The following EHMT1 variants were observed in gnomAD, a reference collection of about 807,000 sequenced individuals.
The protein encoded by EHMT1 is histone-lysine N-methyltransferase EHMT1.
A neutral mutation model predicts 147.2 loss-of-function variants in EHMT1; 15 were observed. The ratio of observed to expected loss-of-function variants is 0.10; its 90% CI spans 0.07 to 0.16. The LOEUF is 0.16. Among genes scored for constraint, EHMT1 ranks in the 10% least tolerant of loss-of-function variants. The probability of loss-of-function intolerance (pLI) is 1.00; values close to 1 mark genes in which losing one functional copy is unlikely to be tolerated. For missense variants in EHMT1, 1,587 were observed against 1,772.4 expected (o/e 0.90, Z 1.88); for synonymous variants, 795 against 709.6 (o/e 1.12, Z -1.91).
At chr9:137,772,694 G>C (rs1238407428) in intron 10 of EHMT1, among the ~76,000 whole-genome samples, 2 of 152,220 alleles carry the variant, frequency 1.3e-5, no homozygotes, top group African/African-American at 2.4e-5. Flanking sequence ...ACCTCCCTGT[G>C]GTGGGCTCCT....
intron 25 of EHMT1, chr9:137,832,716 A>C (rs1392571204): frequency 6.6e-6 from 1 of 152,590 alleles, no homozygotes; most frequent in Non-Finnish European, 1.5e-5. Context: ...CACCCCACCC[A>C]TCTTAGAAGC....
rs769231936 is a variant in EHMT1 at position 137,732,933 on chromosome 9, T to C, written c.823+4404T>C. ...GATGATCACAGATGGTTCTGCTCTT[T>C]CCCTCCTGCTACCCCCTTAAGTTTA... On this transcript the variant is annotated intron_variant, in intron 4 of 26. Transcript: ENST00000460843. This position sits in a 1 kb window ranked among gnomAD's most constrained non-coding sequence, Gnocchi z 4.6. 1.8e-4 allele frequency among the ~76,000 whole-genome samples: 28 copies of C among 152,208 alleles called. No homozygotes were observed. The highest frequency in any genetic ancestry group is 3.8e-4 in the Non-Finnish European group (26 of 68,032).
rs1243592908 is a variant in EHMT1, at chr9:137,782,384, A to T, written c.2369A>T (p.His790Leu). ...GAGGCTGGACACGTGGACATCTGCCACATGCTGGTTCAGGTGCGGCGGCAC... is the reference window on the plus strand; with the variant it reads ...GAGGCTGGACACGTGGACATCTGCCTCATGCTGGTTCAGGTGCGGCGGCAC... ...AAEAGHVDIC[H>L]MLVQAGANID... The change falls in exon 15 of 27, where the codon CAC (histidine) becomes CTC (leucine). Residue 790 changes from histidine to leucine, a missense_variant. By Grantham distance (99) the His-to-Leu change is moderately conservative. Transcript: ENST00000460843. This position sits in a 1 kb window ranked among gnomAD's most constrained non-coding sequence, Gnocchi z 5.7. The T allele has an allele frequency of 6.2e-7, 1 of 1,610,732 alleles. No homozygotes were observed. The highest frequency in any genetic ancestry group is 1.3e-5 in the African/African-American group (1 of 74,912).
chr9:137,752,513 C>T (rs1949048666), intron 7 of EHMT1, 105 bp downstream of exon 7: 9 of 1,343,620 alleles, frequency 6.7e-6, no homozygotes, highest in Non-Finnish European at 1.0e-6. Flanking sequence ...CCTGAGCGCT[C>T]ACCCATGTGC....
At chr9:137,779,562 G>T in intron 13 of EHMT1, 73 bp from the exon 14 acceptor site, 2 of 1,533,168 alleles carry the variant, frequency 1.3e-6, no homozygotes, top group Non-Finnish European at 1.8e-6. Flanking sequence ...GATGTCCGCC[G>T]GGCCTTCCAG....
At chr9:137,637,331 A>G (rs1389102812) in intron 1 of EHMT1, among the ~76,000 whole-genome samples, 1 of 151,332 alleles carries the variant, frequency 6.6e-6, no homozygotes, top group Non-Finnish European at 1.5e-5. Context: ...ATGCTCCACC[A>G]TGCCAGGCTA....
At chr9:137,663,635 C>T (rs942242114) in intron 1 of EHMT1, among the ~76,000 whole-genome samples, 2 of 152,312 alleles carry the variant, frequency 1.3e-5, no homozygotes, top group South Asian at 2.1e-4. Flanking sequence ...GATGTTTGTG[C>T]ACATACCAGC....
intron 10 of EHMT1, among the ~76,000 whole-genome samples, chr9:137,768,459 T>G (rs1241784477): frequency 6.7e-6 from 1 of 148,214 alleles, no homozygotes; most frequent in Non-Finnish European, 1.5e-5. Flanking sequence ...GTTCAAGCGA[T>G]TCTTTTGCCT....
intron 3 of EHMT1, among the ~76,000 whole-genome samples, chr9:137,725,319 G>T (rs576809653): frequency 1.3e-5 from 2 of 152,174 alleles, no homozygotes; most frequent in African/African-American, 2.4e-5. Context: ...TGTGGCCTTC[G>T]TGGGGCTTTC....
At chr9:137,817,570 G>A in intron 24 of EHMT1, 45 bp downstream of exon 24, 1 of 1,611,656 alleles carries the variant, frequency 6.2e-7, no homozygotes, top group East Asian at 2.2e-5. Flanking sequence ...TCATTTCTGG[G>A]ACGGAGGCCC....
At position 137,622,591 on chromosome 9, in the gene EHMT1, T is replaced by C. The variant is rs944982780; in HGVS notation, c.21+3542T>C. On this transcript the variant is annotated intron_variant, in intron 1 of 26. Transcript: ENST00000460843. ...GTGTAAGATTTAGATTAGAGAAGAT[T>C]TTTGTTCTCTTATGTTCATCCTGCC... 5.9e-5 allele frequency among the ~76,000 whole-genome samples: 9 copies of C among 152,158 alleles called. No individual in the cohort carries two copies. In the East Asian group the frequency reaches 1.7e-3, roughly 29 times the overall value.
intron 1 of EHMT1, among the ~76,000 whole-genome samples, chr9:137,705,203 G>A (rs896130997): frequency 3.9e-5 from 6 of 152,070 alleles, no homozygotes. Context: ...GTTTTGTCTA[G>A]GCTGGTCTTG....
chr9:137,787,745 C>A lies in EHMT1; in HGVS notation c.2383-3103C>A, dbSNP rs1952104205. On this transcript the variant is annotated intron_variant, in intron 15 of 26. Transcript: ENST00000460843. The surrounding 1 kb of genome is among the most constrained non-coding windows in gnomAD (Gnocchi z 4.2). ...GGGTGCCACCGAAACATCGTAGATG[C>A]TTTTGTTGGGTGACACACCCTGGAA... The A allele has an allele frequency of 2.6e-6, 2 of 780,912 alleles. No homozygotes were observed. Among genetic ancestry groups the A allele is most frequent in the Non-Finnish European group, 4.5e-6 (2 of 443,522 alleles). The allele number at this position is 780,912 out of a possible 1,614,324, so 48.4% of individuals were successfully genotyped here.
intron 1 of EHMT1, chr9:137,697,164 C>T: frequency 2.8e-6 from 1 of 358,384 alleles, no homozygotes; most frequent in South Asian, 1.9e-5. Flanking sequence ...ACTTGTAATC[C>T]CAGCTACTTG....
chr9:137,769,073 T>C (rs73576103), intron 10 of EHMT1, among the ~76,000 whole-genome samples: 7,457 of 152,296 alleles, frequency 0.049, 603 homozygotes, highest in African/African-American at 0.17. Context: ...TTCTAATGTT[T>C]TGAATGGTTT....
intron 9 of EHMT1, among the ~76,000 whole-genome samples, chr9:137,761,326 C>T (rs943099363): frequency 6.6e-6 from 1 of 152,212 alleles, no homozygotes; most frequent in African/African-American, 2.4e-5. Flanking sequence ...CCAAGATATC[C>T]TTTGTTTTCA....
intron 4 of EHMT1, among the ~76,000 whole-genome samples, chr9:137,730,232 A>G (rs776287267): frequency 5.3e-5 from 8 of 152,208 alleles, no homozygotes; most frequent in Non-Finnish European, 1.0e-4. Context: ...CATGTCTTGC[A>G]GGGAGAGACC....
intron 5 of EHMT1, 71 bp downstream of exon 5, chr9:137,743,599 C>T (rs1284431188): frequency 1.2e-5 from 19 of 1,607,868 alleles, no homozygotes; most frequent in Non-Finnish European, 1.6e-5. Flanking sequence ...GCCTCGTTAT[C>T]AGTAATTTGG....
chr9:137,660,638 A>G (rs1055855172), intron 1 of EHMT1, among the ~76,000 whole-genome samples: 1 of 152,216 alleles, frequency 6.6e-6, no homozygotes, highest in African/African-American at 2.4e-5. Context: ...CTATGGATCA[A>G]TTTTGTGTGA....
Sources: allele counts gnomAD v4.1 joint callset (sites outside exome capture counted in the v4.1 genomes callset), GRCh38; gene constraint gnomAD v4.1.1; non-coding constraint Gnocchi (gnomAD v3.1); transcripts MANE v1.5; gene names NCBI Gene and HGNC (gene_info 2026-07-23, HGNC 2026-07-21).